ACAD10: variants seen among roughly 807,000 people sequenced by gnomAD.
ACAD10 encodes the protein acyl-CoA dehydrogenase family member 10, also known as ACAD-10.
In ACAD10, 112 loss-of-function variants were observed where a neutral mutation model predicts 116.8. That is an observed-to-expected ratio of 0.96 (90% confidence interval 0.82 to 1.12). ACAD10 has a LOEUF of 1.12. Ranked by LOEUF, ACAD10 falls within the 50% of genes most tolerant of loss-of-function variation. ACAD10 has a pLI of 0.00. For synonymous variants in ACAD10, 486 were observed against 510.6 expected (o/e 0.95, Z 0.65); for missense variants, 1,259 against 1,350.2 (o/e 0.93, Z 1.06).
rs760035282 is a variant in ACAD10, at chr12:111,705,846, G to C, written c.445G>C (p.Gly149Arg). The change falls in exon 4 of 21, where the codon GGT (glycine) becomes CGT (arginine). Residue 149 changes from glycine (G) to arginine (R), a missense_variant. Physicochemically the swap from Gly to Arg is moderately radical, Grantham distance 125. Transcript: ENST00000313698. ...TEAITQIRAKGLQTAVLSNNF... is the reference protein window; with the variant it reads ...TEAITQIRAKRLQTAVLSNNF... ...GGCCATAACTCAAATTCGGGCAAAA[G>C]GTCTTCAGACTGCAGTCTTGAGCAA... The C allele has an allele frequency of 6.2e-7, 1 of 1,614,154 alleles. No individual in the cohort carries two copies. Among genetic ancestry groups the C allele is most frequent in the East Asian group, 2.2e-5 (1 of 44,884 alleles).
chr12:111,740,485 T>G (rs920153579), intron 12 of ACAD10, among the ~76,000 whole-genome samples: 5 of 123,452 alleles, frequency 4.1e-5, no homozygotes, highest in East Asian at 2.4e-4. Context: ...AAAGGCCAGG[T>G]GCGGTGGCTC....
intron 10 of ACAD10, among the ~76,000 whole-genome samples, chr12:111,732,784 A>T (rs1433489008): frequency 6.6e-6 from 1 of 152,242 alleles, no homozygotes; most frequent in African/African-American, 2.4e-5. Context: ...GGCCAGTAAC[A>T]GTGAGGGGTC....
chr12:111,702,528 G>A (rs921350101), intron 3 of ACAD10, among the ~76,000 whole-genome samples: 1 of 151,950 alleles, frequency 6.6e-6, no homozygotes, highest in African/African-American at 2.4e-5. Flanking sequence ...TCAGGAGTTC[G>A]AGACCAGCCT....
chr12:111,735,665 C>T (rs1163712730), intron 11 of ACAD10, among the ~76,000 whole-genome samples: 1 of 152,044 alleles, frequency 6.6e-6, no homozygotes, highest in Non-Finnish European at 1.5e-5. Context: ...CCGTGTTAGC[C>T]AGGATGGTCT....
Position 111,712,499 on chromosome 12 carries a change from T to A in ACAD10, c.692T>A (p.Val231Asp). The stretch of plus-strand genomic sequence containing the variant: ...TCTACATATTCTCTCTGAAACCAGG[T>A]TAATGACCCAGAGACTGCAGTAAAG... Reference protein sequence around the residue: ...AARLGIHTIKVNDPETAVKEL... With the variant: ...AARLGIHTIKDNDPETAVKEL... Residue 231 changes from valine to aspartate, a missense_variant and splice_region_variant, in exon 6 of 21, where the codon GTT becomes GAT. Transcript: ENST00000313698. The A allele has an allele frequency of 6.2e-7, 1 of 1,611,102 alleles. No homozygotes were observed. The highest frequency in any genetic ancestry group is 8.5e-7 in the Non-Finnish European group (1 of 1,178,892).
In ACAD10 at chr12:111,757,010, T is replaced by G. The variant is rs1325336748; in HGVS notation, c.*537T>G. The G allele has an allele frequency of 1.2e-5, 5 of 408,292 alleles. No homozygotes were observed. Among genetic ancestry groups the G allele is most frequent in the Non-Finnish European group, 2.5e-5 (5 of 203,228 alleles). 25.3% of individuals were successfully genotyped at this position (408,292 alleles called of 1,614,324 possible). On this transcript the variant is annotated 3_prime_UTR_variant, in exon 21 of 21. Coordinates refer to ENST00000313698, the MANE Select transcript of ACAD10 (RefSeq NM_025247.6). Reference sequence around the variant, plus strand: ...GCCACTGGCATCTGATTATCTCCATTTGAACACACAGCACAGAACAATCAT... The same window carrying G: ...GCCACTGGCATCTGATTATCTCCATGTGAACACACAGCACAGAACAATCAT...
At chr12:111,737,841 GGTGTGTGT>G (rs150399090) in intron 12 of ACAD10, among the ~76,000 whole-genome samples, 2 of 146,396 alleles carry the variant, frequency 1.4e-5, no homozygotes, top group African/African-American at 2.5e-5. Flanking sequence ...CAAATTTCTT[GGTGTGTGT>G]GTGTGTGTGT....
chr12:111,745,835 CTTTTTTT>C (rs532150491), intron 13 of ACAD10, among the ~76,000 whole-genome samples: 16 of 104,766 alleles, frequency 1.5e-4, no homozygotes, highest in African/African-American at 3.3e-4. Context: ...CCATCTCTCT[CTTTTTTT>C]TTTTTTTTTT....
intron 6 of ACAD10, 72 bp downstream of exon 6, chr12:111,712,729 A>G: frequency 4.0e-6 from 6 of 1,508,114 alleles, no homozygotes; most frequent in Non-Finnish European, 5.5e-6. Context: ...TCACTTTTCA[A>G]CCCTAATGGA....
chr12:111,703,763 G>A (rs1445658083), intron 3 of ACAD10, among the ~76,000 whole-genome samples: 1 of 151,964 alleles, frequency 6.6e-6, no homozygotes. Flanking sequence ...GCTTGAATCT[G>A]GGGGGCAGAG....
Position 111,686,108 on chromosome 12 carries a change from T to C in ACAD10, c.-145T>C, listed in dbSNP as rs1044605020. 1 of 177,102 alleles carries C rather than the reference T, an allele frequency of 5.6e-6. No homozygotes were observed. The highest frequency in any genetic ancestry group is 2.4e-5 in the African/African-American group (1 of 42,442). 11.0% of individuals were successfully genotyped at this position (177,102 alleles called of 1,614,324 possible). ...TCGGAGCGGAAGGACGTCGTGGAGA[T>C]TGCTTGCGCTGGGGTGCCACACTTA... On this transcript the variant is annotated 5_prime_UTR_variant, in exon 1 of 21. Transcript: ENST00000313698.
intron 2 of ACAD10, among the ~76,000 whole-genome samples, chr12:111,695,249 T>A (rs1269890988): frequency 1.3e-5 from 2 of 152,214 alleles, no homozygotes; most frequent in African/African-American, 4.8e-5. Context: ...CTGTGTTTCC[T>A]CCCTGCCTCC....
intron 12 of ACAD10, among the ~76,000 whole-genome samples, chr12:111,742,026 A>G (rs971583987): frequency 6.6e-6 from 1 of 152,200 alleles, no homozygotes; most frequent in Admixed American, 6.5e-5. Flanking sequence ...GGGTGCAGAA[A>G]TTAGATTTCT....
Position 111,742,731 on chromosome 12 carries a change from C to T in ACAD10, c.1715-1912C>T, listed in dbSNP as rs546811870. Among the ~76,000 whole-genome samples the T allele has an allele frequency of 1.5e-3, 222 of 152,112 alleles. 1 individual carries two copies. The highest frequency in any genetic ancestry group is 4.9e-3 in the African/African-American group (205 of 41,524). The stretch of plus-strand genomic sequence containing the variant: ...AAATAAAATATTTATTTTTTTGAGA[C>T]GGAATTTTGCTCTTGTCACCCAGGC... On this transcript the variant is annotated intron_variant, in intron 12 of 20. Coordinates refer to ENST00000313698, the MANE Select transcript of ACAD10 (RefSeq NM_025247.6).
intron 7 of ACAD10, among the ~76,000 whole-genome samples, chr12:111,718,229 A>G (rs947412054): frequency 6.6e-6 from 1 of 151,580 alleles, no homozygotes; most frequent in Non-Finnish European, 1.5e-5. Flanking sequence ...TACTATTTTT[A>G]GTAGAGATGG....
At position 111,700,739 on chromosome 12, in the gene ACAD10, C is replaced by T. The variant is rs1345440335; in HGVS notation, c.188-1423C>T. The stretch of plus-strand genomic sequence containing the variant: ...TCCTTTTACTTTCCTTCCTTCCTTC[C>T]TTCCTCTTCTTTTTTTTTTTTTTTT... On this transcript the variant is annotated intron_variant, in intron 2 of 20. Coordinates refer to ENST00000313698, the MANE Select transcript of ACAD10 (RefSeq NM_025247.6). 2.0e-5 allele frequency among the ~76,000 whole-genome samples: 3 copies of T among 146,884 alleles called. 1 individual carries two copies. The highest frequency in any genetic ancestry group is 4.3e-4 in the South Asian group (2 of 4,670).
rs117747628 is a variant in ACAD10, at chr12:111,708,401, G to A, written c.532-1125G>A. 8.2e-4 allele frequency among the ~76,000 whole-genome samples: 124 copies of A among 151,600 alleles called. No homozygotes were observed. The East Asian group carries it at 0.011, about 14-fold the overall frequency. ...CCACTTCCATCTGGTACGTTACATC[G>A]ACTGGTGTCTGAAACACCCTGCTTC... is the stretch of plus-strand genomic sequence containing the variant. On this transcript the variant is annotated intron_variant, in intron 4 of 20. Coordinates refer to ENST00000313698, the MANE Select transcript of ACAD10 (RefSeq NM_025247.6).
intron 1 of ACAD10, among the ~76,000 whole-genome samples, chr12:111,691,704 T>C (rs2135941415): frequency 6.6e-6 from 1 of 150,408 alleles, no homozygotes; most frequent in African/African-American, 2.4e-5. Context: ...CAAGCAATTC[T>C]CCTACCTCAG....
intron 3 of ACAD10, 133 bp downstream of exon 3, chr12:111,702,443 T>C (rs1838083224): frequency 7.7e-7 from 1 of 1,302,864 alleles, no homozygotes; most frequent in African/African-American, 1.5e-5. Flanking sequence ...TTAAAGTTAT[T>C]TCTTAGGCCA....
Sources: gnomAD v4.1 joint callset for allele counts (sites outside exome capture counted in the v4.1 genomes callset) on GRCh38, gnomAD v4.1.1 for gene constraint, MANE v1.5 for transcripts, NCBI Gene and HGNC (gene_info 2026-07-23, HGNC 2026-07-21) for gene names.